ABTB3: variants seen among roughly 807,000 people sequenced by gnomAD.
ABTB3 encodes ankyrin repeat and BTB domain containing 3.
the ABTB3 span, among the ~76,000 whole-genome samples, chr12:107,512,952 A>G: frequency 0.17 from 25,936 of 152,168 alleles, 2,720 homozygotes; most frequent in East Asian, 0.29. Context: ...TTACTTGCCT[A>G]AAGCTACACA....
the ABTB3 span, among the ~76,000 whole-genome samples, chr12:107,429,409 C>A: frequency 6.6e-6 from 1 of 152,332 alleles, no homozygotes; most frequent in East Asian, 1.9e-4. Context: ...TTAAAATTTT[C>A]ATTTTCTTTC....
the ABTB3 span, among the ~76,000 whole-genome samples, chr12:107,537,402 T>A: frequency 1.3e-5 from 2 of 152,194 alleles, no homozygotes; most frequent in African/African-American, 2.4e-5. Context: ...CACAAAGACA[T>A]GATAAATGTT....
At chr12:107,651,861 A>G in the ABTB3 span, 2 of 1,281,884 alleles carry the variant, frequency 1.6e-6, no homozygotes, top group Non-Finnish European at 2.2e-6. Context: ...TGGCAAACAC[A>G]GAGGCAGGGC....
the ABTB3 span, among the ~76,000 whole-genome samples, chr12:107,573,458 A>G: frequency 6.6e-6 from 1 of 151,002 alleles, no homozygotes; most frequent in Non-Finnish European, 1.5e-5. Context: ...GGCTGGGTGG[A>G]TGAATCGATG....
chr12:107,616,954 C>G, the ABTB3 span: 1 of 824,376 alleles, frequency 1.2e-6, no homozygotes, highest in Non-Finnish European at 2.0e-6. Flanking sequence ...CAGTTGCCCT[C>G]CAGCCTGTGC....
chr12:107,551,448 T>C, the ABTB3 span, among the ~76,000 whole-genome samples: 1 of 152,228 alleles, frequency 6.6e-6, no homozygotes, highest in African/African-American at 2.4e-5. Flanking sequence ...CTGGCCATGG[T>C]AAAAACTGCT....
chr12:107,533,841 A>G, the ABTB3 span, among the ~76,000 whole-genome samples: 3 of 152,232 alleles, frequency 2.0e-5, no homozygotes, highest in South Asian at 2.1e-4. Flanking sequence ...TCAACAACAC[A>G]TGGAATATTC....
At chr12:107,496,824 A>C in the ABTB3 span, among the ~76,000 whole-genome samples, 1 of 152,134 alleles carries the variant, frequency 6.6e-6, no homozygotes. Context: ...TAAGTAACAA[A>C]GCTTGTATTT....
chr12:107,559,258 C>T, the ABTB3 span, among the ~76,000 whole-genome samples: 1 of 152,236 alleles, frequency 6.6e-6, no homozygotes, highest in Non-Finnish European at 1.5e-5. Context: ...TTGGCCTCCT[C>T]CTTTCTCCCG....
the ABTB3 span, among the ~76,000 whole-genome samples, chr12:107,361,168 T>C: frequency 6.6e-6 from 1 of 152,154 alleles, no homozygotes; most frequent in Non-Finnish European, 1.5e-5. Context: ...AATTAGAGCA[T>C]TCACATAAGT....
chr12:107,474,630 A>C, the ABTB3 span, among the ~76,000 whole-genome samples: 2 of 152,176 alleles, frequency 1.3e-5, no homozygotes, highest in African/African-American at 4.8e-5. Context: ...GAAATCCAGA[A>C]AGACTGGAGA....
chr12:107,409,863 T>G, the ABTB3 span, among the ~76,000 whole-genome samples: 1 of 152,160 alleles, frequency 6.6e-6, no homozygotes, highest in African/African-American at 2.4e-5. Context: ...TAATAAAATA[T>G]TTTAAAAAGA....
chr12:107,407,206 T>C, the ABTB3 span, among the ~76,000 whole-genome samples: 1 of 152,150 alleles, frequency 6.6e-6, no homozygotes, highest in Non-Finnish European at 1.5e-5. Flanking sequence ...CTCACCAGGG[T>C]TTGGCAGGCT....
At chr12:107,540,913 A>C in the ABTB3 span, among the ~76,000 whole-genome samples, 1 of 152,114 alleles carries the variant, frequency 6.6e-6, no homozygotes, top group Non-Finnish European at 1.5e-5. Flanking sequence ...AAGTGGGAGG[A>C]TCGCTTGAGC....
chr12:107,546,057 G>A, the ABTB3 span, among the ~76,000 whole-genome samples: 1 of 152,156 alleles, frequency 6.6e-6, no homozygotes, highest in African/African-American at 2.4e-5. Context: ...TCTTCTCCTA[G>A]CATCTTATTC....
the ABTB3 span, among the ~76,000 whole-genome samples, chr12:107,656,358 G>T: frequency 6.6e-6 from 1 of 152,032 alleles, no homozygotes; most frequent in South Asian, 2.1e-4. Context: ...CTAGGACAAG[G>T]TTCAGCAGAC....
chr12:107,612,883 G>A, the ABTB3 span: 1 of 1,611,230 alleles, frequency 6.2e-7, no homozygotes. Context: ...AGGGTGCAGA[G>A]GCCAGCAGGG....
At chr12:107,450,808 G>C in the ABTB3 span, among the ~76,000 whole-genome samples, 15 of 152,204 alleles carry the variant, frequency 9.9e-5, no homozygotes, top group Middle Eastern at 3.4e-3. Flanking sequence ...GAGGCAGGAG[G>C]GGGAGGGGAG....
the ABTB3 span, among the ~76,000 whole-genome samples, chr12:107,327,414 G>T: frequency 6.6e-6 from 1 of 152,130 alleles, no homozygotes; most frequent in Admixed American, 6.5e-5. Context: ...ATTGTTTGGG[G>T]TTTAGACATA....
Sources: allele counts gnomAD v4.1 joint callset (sites outside exome capture counted in the v4.1 genomes callset), GRCh38; gene constraint gnomAD v4.1.1; transcripts MANE v1.5; gene names NCBI Gene and HGNC (gene_info 2026-07-23, HGNC 2026-07-21).